Variants in NCKAP5 observed in about 807,000 individuals in gnomAD.
The protein encoded by NCKAP5 is nck-associated protein 5.
A neutral mutation model predicts 167.0 loss-of-function variants in NCKAP5; 92 were observed. That is an observed-to-expected ratio of 0.55 (90% CI 0.47 to 0.66). The LOEUF (loss-of-function observed/expected upper bound fraction) is 0.66, where lower values mean the gene tolerates loss of function less well. Ranked by LOEUF, NCKAP5 falls within the 30% of genes least tolerant of loss-of-function variation. The pLI, the probability that NCKAP5 is intolerant of heterozygous loss-of-function variation, is 0.00. For missense variants in NCKAP5, 2,378 were observed against 2,315.0 expected, an observed-to-expected ratio of 1.03 and a Z score of -0.56; for synonymous variants, 891 against 877.4, an observed-to-expected ratio of 1.02 and a Z score of -0.27.
chr2:132,760,027 AC>A (rs1680868454), intron 16 of NCKAP5, among the ~76,000 whole-genome samples: 1 of 152,094 alleles, frequency 6.6e-6, no homozygotes, highest in Non-Finnish European at 1.5e-5. Context: ...AATATAACTT[AC>A]CAAACTAATA....
intron 9 of NCKAP5, among the ~76,000 whole-genome samples, chr2:132,872,127 A>G (rs927711052): frequency 3.9e-5 from 6 of 152,072 alleles, no homozygotes; most frequent in African/African-American, 1.5e-4. Context: ...GCTGCAAGGG[A>G]CTTGAAGCAC....
At chr2:133,172,984 T>C (rs1039254125) in intron 5 of NCKAP5, among the ~76,000 whole-genome samples, 5 of 151,856 alleles carry the variant, frequency 3.3e-5, no homozygotes, top group Admixed American at 2.6e-4. Context: ...CGTGACGGGC[T>C]ATCATATCTT....
In NCKAP5 at chr2:133,482,445, T is replaced by G. The variant is rs549942845; in HGVS notation, c.69+35013A>C. Among the ~76,000 whole-genome samples the G allele has an allele frequency of 1.3e-4, 20 of 152,268 alleles. No individual in the cohort carries two copies. The South Asian group carries it at 4.1e-3, about 32-fold the overall frequency. ...GTTGCCCAAAGTGGTCTCAAACTCCTTAGCTCAGGCAAGCTGCCTGCCTTG... is the reference window on the plus strand; with the variant it reads ...GTTGCCCAAAGTGGTCTCAAACTCCGTAGCTCAGGCAAGCTGCCTGCCTTG... On this transcript the variant is annotated intron_variant, in intron 3 of 19. Coordinates refer to ENST00000409261, the MANE Select transcript of NCKAP5 (RefSeq NM_207363.3).
At chr2:133,348,882 A>G (rs541121636) in intron 3 of NCKAP5, among the ~76,000 whole-genome samples, 1 of 152,306 alleles carries the variant, frequency 6.6e-6, no homozygotes, top group Non-Finnish European at 1.5e-5. Flanking sequence ...AAAATTCCCA[A>G]AGACATAAAG....
intron 5 of NCKAP5, among the ~76,000 whole-genome samples, chr2:133,141,772 G>A (rs1480439758): frequency 6.6e-6 from 1 of 152,190 alleles, no homozygotes; most frequent in African/African-American, 2.4e-5. Context: ...GAGAACAAGT[G>A]GGTTGGTTTT....
intron 16 of NCKAP5, among the ~76,000 whole-genome samples, chr2:132,753,491 G>A (rs533512658): frequency 6.6e-6 from 1 of 152,284 alleles, no homozygotes; most frequent in African/African-American, 2.4e-5. Flanking sequence ...CTCAGGGGGT[G>A]GAGAGGGAAA....
intron 6 of NCKAP5, among the ~76,000 whole-genome samples, chr2:133,031,263 G>T (rs1445523094): frequency 6.6e-6 from 1 of 151,172 alleles, no homozygotes; most frequent in African/African-American, 2.4e-5. Context: ...AGCAGCAGAG[G>T]CATGGTGCCA....
chr2:132,886,700 T>A (rs151155443), intron 8 of NCKAP5, among the ~76,000 whole-genome samples: 82 of 152,358 alleles, frequency 5.4e-4, no homozygotes, highest in African/African-American at 1.9e-3. Flanking sequence ...TAGATTTTAA[T>A]ATTTATGGCG....
At chr2:133,479,368 T>C (rs1680223910) in intron 3 of NCKAP5, among the ~76,000 whole-genome samples, 1 of 152,248 alleles carries the variant, frequency 6.6e-6, no homozygotes, top group Non-Finnish European at 1.5e-5. Flanking sequence ...TAACCAAGGT[T>C]GCTTGCCCAG....
intron 4 of NCKAP5, among the ~76,000 whole-genome samples, chr2:133,257,505 TAAAC>T (rs1461644732): frequency 6.6e-6 from 1 of 152,208 alleles, no homozygotes; most frequent in African/African-American, 2.4e-5. Context: ...ACTACTCTGA[TAAAC>T]AATTCTAGAG....
chr2:133,446,477 G>A (rs1382821996), intron 3 of NCKAP5, among the ~76,000 whole-genome samples: 2 of 152,136 alleles, frequency 1.3e-5, no homozygotes, highest in East Asian at 1.9e-4. Context: ...TAGGTAATAT[G>A]GCACCTACTT....
At chr2:133,189,322 C>T (rs1176271372) in intron 5 of NCKAP5, among the ~76,000 whole-genome samples, 1 of 152,094 alleles carries the variant, frequency 6.6e-6, no homozygotes, top group African/African-American at 2.4e-5. Context: ...AGTCCAGGAT[C>T]AGATGGATTC....
chr2:133,181,285 A>C (rs1383075556), intron 5 of NCKAP5, among the ~76,000 whole-genome samples: 2 of 152,088 alleles, frequency 1.3e-5, no homozygotes, highest in African/African-American at 4.8e-5. Context: ...ATGTATATAT[A>C]ATGTAATACT....
At chr2:133,242,398 C>G (rs1559308201) in intron 4 of NCKAP5, among the ~76,000 whole-genome samples, 1 of 151,358 alleles carries the variant, frequency 6.6e-6, no homozygotes, top group Non-Finnish European at 1.5e-5. Flanking sequence ...GAGGTGATAC[C>G]CAAATATAAA....
At chr2:132,802,504 A>T (rs1685121059) in intron 11 of NCKAP5, among the ~76,000 whole-genome samples, 1 of 152,166 alleles carries the variant, frequency 6.6e-6, no homozygotes, top group Non-Finnish European at 1.5e-5. Flanking sequence ...TGAGCCCAAC[A>T]CAAGGGAAGC....
At chr2:133,085,258 G>A (rs1274868809) in intron 6 of NCKAP5, among the ~76,000 whole-genome samples, 8 of 152,148 alleles carry the variant, frequency 5.3e-5, no homozygotes, top group African/African-American at 1.7e-4. Flanking sequence ...GGCTCTCTTA[G>A]TAAGCATCAG....
the NCKAP5 span, among the ~76,000 whole-genome samples, chr2:133,647,430 G>GAAGA: frequency 1.9e-3 from 155 of 83,700 alleles, 1 homozygote; most frequent in East Asian, 0.014. Context: ...AGAAAGAAAG[G>GAAGA]AAGAAAGAAA....
chr2:133,205,511 T>A (rs1448901473), intron 5 of NCKAP5, among the ~76,000 whole-genome samples: 1 of 152,224 alleles, frequency 6.6e-6, no homozygotes, highest in Non-Finnish European at 1.5e-5. Flanking sequence ...AACATCACAC[T>A]AATTTGCTTT....
intron 13 of NCKAP5, among the ~76,000 whole-genome samples, chr2:132,789,352 C>A (rs1683860996): frequency 6.6e-6 from 1 of 152,150 alleles, no homozygotes; most frequent in South Asian, 2.1e-4. Context: ...GCAGCAGGCT[C>A]TGTACTTTGC....
Sources: allele counts gnomAD v4.1 joint callset (sites outside exome capture counted in the v4.1 genomes callset), GRCh38; gene constraint gnomAD v4.1.1; transcripts MANE v1.5; gene names NCBI Gene and HGNC (gene_info 2026-07-23, HGNC 2026-07-21).